The following FRY variants were observed in gnomAD, a reference collection of about 807,000 sequenced individuals.
FRY encodes FRY microtubule binding protein.
In FRY, 128 loss-of-function variants were observed where a neutral mutation model predicts 348.4. That is an observed-to-expected ratio of 0.37 (90% CI 0.32 to 0.43). The LOEUF (loss-of-function observed/expected upper bound fraction) is 0.43, where lower values mean the gene tolerates loss of function less well. Ranked by LOEUF, FRY falls within the 20% of genes least tolerant of loss-of-function variation. The pLI is 1.00. For synonymous variants in FRY, 1,370 were observed against 1,374.7 expected (o/e 1.00, Z 0.08); for missense variants, 2,736 against 3,695.2 (o/e 0.74, Z 6.73).
intron 20 of FRY, 125 bp downstream of exon 20, chr13:32,175,757 A>G (rs1327044324): frequency 1.5e-6 from 1 of 689,300 alleles, no homozygotes; most frequent in Non-Finnish European, 2.7e-6. Flanking sequence ...ACCCAAAGGT[A>G]CTTATGAAGA....
At chr13:32,197,812 T>C (rs184250403) in intron 29 of FRY, among the ~76,000 whole-genome samples, 115 of 152,322 alleles carry the variant, frequency 7.5e-4, no homozygotes, top group Admixed American at 6.7e-3. Context: ...GTAGCGGACA[T>C]TTCCCAAATT....
At chr13:32,231,409 T>C in intron 41 of FRY, 109 bp downstream of exon 41, 1 of 1,052,006 alleles carries the variant, frequency 9.5e-7, no homozygotes, top group Non-Finnish European at 1.5e-6. Context: ...TCCACATCCA[T>C]AGCACGAGCA....
chr13:32,173,320 C>G (rs766510446), intron 18 of FRY, 47 bp from the exon 19 acceptor site: 1 of 1,437,654 alleles, frequency 7.0e-7, no homozygotes, highest in South Asian at 1.1e-5. Context: ...ATTCTTCTTC[C>G]TTTGTTATTT....
chr13:32,279,645 A>G (rs1193027099), intron 58 of FRY, among the ~76,000 whole-genome samples: 1 of 152,220 alleles, frequency 6.6e-6, no homozygotes, highest in African/African-American at 2.4e-5. Context: ...CCTCGGAATT[A>G]TGTCATTACT....
intron 11 of FRY, among the ~76,000 whole-genome samples, chr13:32,139,046 A>G (rs1370109851): frequency 2.6e-5 from 4 of 152,224 alleles, no homozygotes; most frequent in Non-Finnish European, 5.9e-5. Context: ...CAAGGCTAAA[A>G]GATATAAAAA....
intron 47 of FRY, among the ~76,000 whole-genome samples, chr13:32,246,159 C>T (rs915238234): frequency 6.6e-6 from 1 of 152,186 alleles, no homozygotes; most frequent in African/African-American, 2.4e-5. Flanking sequence ...CTGCGGGCGA[C>T]GTCTGATACT....
rs561021924 is a variant in FRY, at chr13:32,048,990, C to G, written c.70+17125C>G. On this transcript the variant is annotated intron_variant, in intron 1 of 60. Transcript: ENST00000542859. ...ACACAGTGATTCAGCAGGCCCAGCT[C>G]CTGCCTTCTCTGGGCTTCACAATCA... Among the ~76,000 whole-genome samples the G allele has an allele frequency of 9.9e-5, 15 of 152,252 alleles. No individual in the cohort carries two copies. The South Asian group carries it at 3.1e-3, about 32-fold the overall frequency.
At chr13:32,252,116 T>G (rs1315106368) in intron 50 of FRY, among the ~76,000 whole-genome samples, 164 bp downstream of exon 50, 2 of 152,222 alleles carry the variant, frequency 1.3e-5, no homozygotes, top group African/African-American at 4.8e-5. Flanking sequence ...ACACCATGAT[T>G]TTTAATCACA....
intron 11 of FRY, among the ~76,000 whole-genome samples, chr13:32,145,086 T>A (rs1218895925): frequency 6.6e-6 from 1 of 152,172 alleles, no homozygotes; most frequent in African/African-American, 2.4e-5. Flanking sequence ...GGAAATAGAA[T>A]GAACGTGGCC....
chr13:32,267,454 T>A, intron 55 of FRY, 95 bp downstream of exon 55: 1 of 1,037,164 alleles, frequency 9.6e-7, no homozygotes, highest in Admixed American at 1.8e-5. Flanking sequence ...GTTCTGGGGT[T>A]ATACTACTGT....
chr13:32,122,710 T>A lies in FRY; in HGVS notation c.465-1576T>A, dbSNP rs993509507. Among the ~76,000 whole-genome samples the A allele has an allele frequency of 2.6e-5, 4 of 152,014 alleles. No individual in the cohort carries two copies. The East Asian group carries it at 5.8e-4, about 22-fold the overall frequency. ...AAAGCAATCAGACAAGAGAAAGAAA[T>A]AAAGGGCATCCATATAAGTAAAGAA... is the stretch of plus-strand genomic sequence containing the variant. On this transcript the variant is annotated intron_variant, in intron 4 of 60. Coordinates refer to ENST00000542859, the MANE Select transcript of FRY (RefSeq NM_023037.3).
At chr13:32,128,691 T>A (rs1356638484) in intron 7 of FRY, among the ~76,000 whole-genome samples, 1 of 152,248 alleles carries the variant, frequency 6.6e-6, no homozygotes, top group African/African-American at 2.4e-5. Flanking sequence ...CACTGCCTAA[T>A]TCACTGGATT....
At chr13:32,130,531 G>T (rs1471650555) in intron 7 of FRY, among the ~76,000 whole-genome samples, 1 of 150,760 alleles carries the variant, frequency 6.6e-6, no homozygotes, top group Non-Finnish European at 1.5e-5. Flanking sequence ...CAGACTTAGT[G>T]GTATGGACAA....
Position 32,044,729 on chromosome 13 carries a change from A to G in FRY, c.70+12864A>G, listed in dbSNP as rs1328375791. 3.9e-5 allele frequency among the ~76,000 whole-genome samples: 6 copies of G among 152,150 alleles called. No individual in the cohort carries two copies. In the South Asian group the frequency reaches 6.2e-4, roughly 16 times the overall value. On this transcript the variant is annotated intron_variant, in intron 1 of 60. Transcript: ENST00000542859. ...GACTGCTATCCCAGTTGCTGGGGGA[A>G]CTTCTGGAAAGGATTTTCTTCCTGG... is the stretch of plus-strand genomic sequence containing the variant.
At chr13:32,140,555 G>A (rs1409760294) in intron 11 of FRY, among the ~76,000 whole-genome samples, 2 of 151,924 alleles carry the variant, frequency 1.3e-5, no homozygotes, top group Non-Finnish European at 2.9e-5. Context: ...TAATTTAGTG[G>A]AGGAGACAGA....
rs917214876 is a variant in FRY at position 32,132,589 on chromosome 13, G to A, written c.885+749G>A. On this transcript the variant is annotated intron_variant, in intron 8 of 60. Coordinates refer to ENST00000542859, the MANE Select transcript of FRY (RefSeq NM_023037.3). ...GAGTGCAAAATGGCACAGCCACTTT[G>A]GCACAGCCTGTGCCACAAATGGTAC... Among the ~76,000 whole-genome samples the A allele has an allele frequency of 2.0e-5, 3 of 152,238 alleles. No homozygotes were observed. The East Asian group carries it at 5.8e-4, about 29-fold the overall frequency.
intron 2 of FRY, among the ~76,000 whole-genome samples, chr13:32,101,085 T>C (rs1394931960): frequency 6.6e-6 from 1 of 152,234 alleles, no homozygotes; most frequent in Non-Finnish European, 1.5e-5. Flanking sequence ...AATGAAACTC[T>C]GTACTCTTTG....
intron 44 of FRY, among the ~76,000 whole-genome samples, chr13:32,238,692 C>T (rs1005719369): frequency 3.3e-5 from 5 of 152,122 alleles, no homozygotes; most frequent in Admixed American, 1.3e-4. Flanking sequence ...CCTTGTGATC[C>T]ACCCGCCTCA....
intron 1 of FRY, among the ~76,000 whole-genome samples, chr13:32,033,581 T>C (rs1001719788): frequency 6.6e-6 from 1 of 152,244 alleles, no homozygotes; most frequent in African/African-American, 2.4e-5. Context: ...CAGGAAATGA[T>C]TCAAAATGAC....
Sources: gnomAD v4.1 joint callset for allele counts (sites outside exome capture counted in the v4.1 genomes callset) on GRCh38, gnomAD v4.1.1 for gene constraint, MANE v1.5 for transcripts, NCBI Gene and HGNC (gene_info 2026-07-23, HGNC 2026-07-21) for gene names.